The following KCNQ1OT1 variants were observed in gnomAD, a reference collection of about 807,000 sequenced individuals.
The protein encoded by KCNQ1OT1 is KCNQ1 opposite strand/antisense transcript 1.
Position 2,652,659 on chromosome 11 carries a change from CG to C in KCNQ1OT1, n.47335del. On this transcript the variant is annotated non_coding_transcript_exon_variant, in exon 1 of 1. Transcript: ENST00000597346. The surrounding 1 kb of genome is among the most constrained non-coding windows in gnomAD (Gnocchi z 5.9). ...AGTGACTTCCTGCAGCATGGAGACC[CG>C]GGTGGGTCGATTTTAGTTGTGTGGG... 2.5e-6 allele frequency: 1 copy of C among 398,740 alleles called. No homozygotes were observed. Among genetic ancestry groups the C allele is most frequent in the Non-Finnish European group, 4.4e-6 (1 of 226,206 alleles). The allele number at this position is 398,740 out of a possible 1,614,324, so 24.7% of individuals were successfully genotyped here.
rs1352338366 is a variant in KCNQ1OT1 at position 2,670,854 on chromosome 11, TCACTGGCCAGTGGGC to T, written n.29126_29140del. The stretch of plus-strand genomic sequence containing the variant: ...CACCAGCCAAGGAGGTCAAAGGTCC[TCACTGGCCAGTGGGC>T]CACTGGGAAGCCTCCTGGATTGCCT... On this transcript the variant is annotated non_coding_transcript_exon_variant, in exon 1 of 1. Coordinates refer to ENST00000597346, the Ensembl canonical transcript of KCNQ1OT1. This position sits in a 1 kb window ranked among gnomAD's most constrained non-coding sequence, Gnocchi z 4.9. 2.5e-6 allele frequency: 1 copy of T among 398,452 alleles called. No homozygotes were observed. The highest frequency in any genetic ancestry group is 2.1e-5 in the African/African-American group (1 of 48,618). 24.7% of individuals were successfully genotyped at this position (398,452 alleles called of 1,614,324 possible).
Position 2,699,650 on chromosome 11 carries a change from G to A in KCNQ1OT1, n.345C>T, listed in dbSNP as rs562303169. On this transcript the variant is annotated non_coding_transcript_exon_variant, in exon 1 of 1. Coordinates refer to ENST00000597346, the Ensembl canonical transcript of KCNQ1OT1. The stretch of plus-strand genomic sequence containing the variant: ...CCGAAGAACCCCCGGGGACAACCGC[G>A]CCGAAGAACCCCCGGGGAGAACCGC... 383 of 358,680 alleles carry A rather than the reference G, an allele frequency of 1.1e-3. 2 individuals are homozygous for A. Among genetic ancestry groups the A allele is most frequent in the African/African-American group, 7.5e-3 (353 of 47,228 alleles). The allele number at this position is 358,680 out of a possible 1,614,324, so 22.2% of individuals were successfully genotyped here. A position where few individuals can be genotyped will look rare whatever the true frequency, so the allele number is the denominator to read the frequency against.
chr11:2,653,012 A>G lies in KCNQ1OT1; in HGVS notation n.46983T>C, dbSNP rs998142389. On this transcript the variant is annotated non_coding_transcript_exon_variant, in exon 1 of 1. Coordinates refer to ENST00000597346, the Ensembl canonical transcript of KCNQ1OT1. The surrounding 1 kb of genome is among the most constrained non-coding windows in gnomAD (Gnocchi z 5.3). ...TCACTGTCATGCTTGAGGCAAATCT[A>G]TTCTGCACACCTTTGATCCAATGTG... 6 of 398,558 alleles carry G rather than the reference A, an allele frequency of 1.5e-5. No individual in the cohort carries two copies. Among genetic ancestry groups the G allele is most frequent in the African/African-American group, 8.2e-5 (4 of 48,640 alleles). 24.7% of individuals were successfully genotyped at this position (398,558 alleles called of 1,614,324 possible).
exon 1 of KCNQ1OT1, chr11:2,649,207 C>T (rs1289982689): frequency 5.0e-6 from 2 of 398,088 alleles, no homozygotes; most frequent in East Asian, 3.6e-5. Flanking sequence ...AAATTACCTA[C>T]ATTCAAGATT....
rs1292047866 is a variant in KCNQ1OT1 at position 2,657,487 on chromosome 11, T to G, written n.42508A>C. On this transcript the variant is annotated non_coding_transcript_exon_variant, in exon 1 of 1. Coordinates refer to ENST00000597346, the Ensembl canonical transcript of KCNQ1OT1. The surrounding 1 kb of genome is among the most constrained non-coding windows in gnomAD (Gnocchi z 4.8). ...ACAGGTTCTGTTTTCTCTTGTTACC[T>G]CACATTTTTTATTTACAGAAGAGAA... is the stretch of plus-strand genomic sequence containing the variant. 2.5e-6 allele frequency: 1 copy of G among 398,452 alleles called. No individual in the cohort carries two copies. Among genetic ancestry groups the G allele is most frequent in the African/African-American group, 2.1e-5 (1 of 48,644 alleles). The allele number at this position is 398,452 out of a possible 1,614,324, so 24.7% of individuals were successfully genotyped here. A position where few individuals can be genotyped will look rare whatever the true frequency, so the allele number is the denominator to read the frequency against.
At position 2,647,450 on chromosome 11, in the gene KCNQ1OT1, A is replaced by G. The variant is rs1849683831; in HGVS notation, n.52545T>C. On this transcript the variant is annotated non_coding_transcript_exon_variant, in exon 1 of 1. Transcript: ENST00000597346. This position sits in a 1 kb window ranked among gnomAD's most constrained non-coding sequence, Gnocchi z 4.0. ...ATGTTCATCAGGGAGATTGGCCTGT[A>G]GTTTTCTTTTTTGCTGTTATTGTGT... is the stretch of plus-strand genomic sequence containing the variant. 1 of 398,312 alleles carries G rather than the reference A, an allele frequency of 2.5e-6. No homozygotes were observed. The highest frequency in any genetic ancestry group is 4.4e-5 in the Admixed American group (1 of 22,690). 24.7% of individuals were successfully genotyped at this position (398,312 alleles called of 1,614,324 possible).
At chr11:2,680,176 G>A in exon 1 of KCNQ1OT1, 1 of 392,382 alleles carries the variant, frequency 2.5e-6, no homozygotes, top group Non-Finnish European at 4.4e-6. Flanking sequence ...ACGGGCGTGA[G>A]CCAATGCACC....
rs1248751691 is a variant in KCNQ1OT1, at chr11:2,698,867, G to A, written n.1128C>T. ...TGCGGACTCCAGACCCGGACTGACT[G>A]GGACCCCAACTACTCAGATCCCAAC... On this transcript the variant is annotated non_coding_transcript_exon_variant, in exon 1 of 1. Coordinates refer to ENST00000597346, the Ensembl canonical transcript of KCNQ1OT1. This position sits in a 1 kb window ranked among gnomAD's most constrained non-coding sequence, Gnocchi z 5.1. 5.0e-6 allele frequency: 2 copies of A among 398,586 alleles called. No homozygotes were observed. The highest frequency in any genetic ancestry group is 8.8e-6 in the Non-Finnish European group (2 of 226,214). 24.7% of individuals were successfully genotyped at this position (398,586 alleles called of 1,614,324 possible).
In KCNQ1OT1 at chr11:2,642,975, C is replaced by T. The variant is rs556881113; in HGVS notation, n.57020G>A. 66 of 397,578 alleles carry T rather than the reference C, an allele frequency of 1.7e-4. No homozygotes were observed. The highest frequency in any genetic ancestry group is 1.8e-4 in the Admixed American group (4 of 22,682). 24.6% of individuals were successfully genotyped at this position (397,578 alleles called of 1,614,324 possible). A position where few individuals can be genotyped will look rare whatever the true frequency, so the allele number is the denominator to read the frequency against. On this transcript the variant is annotated non_coding_transcript_exon_variant, in exon 1 of 1. Coordinates refer to ENST00000597346, the Ensembl canonical transcript of KCNQ1OT1. This position sits in a 1 kb window ranked among gnomAD's most constrained non-coding sequence, Gnocchi z 4.3. ...ATTTATTTATACAGTTTTGAATGCT[C>T]CTCTTATTTATTTATAGTTTTATGC...
At position 2,674,378 on chromosome 11, in the gene KCNQ1OT1, A is replaced by C; in HGVS notation, n.25617T>G. On this transcript the variant is annotated non_coding_transcript_exon_variant, in exon 1 of 1. Transcript: ENST00000597346. This position sits in a 1 kb window ranked among gnomAD's most constrained non-coding sequence, Gnocchi z 5.9. ...CTTGGCAAAGAGCAGCTTCCTGCTT[A>C]GGGAAGGTGCATGCGTGCGTGTGTG... 5.8e-6 allele frequency: 1 copy of C among 171,290 alleles called. No homozygotes were observed. The highest frequency in any genetic ancestry group is 1.4e-4 in the East Asian group (1 of 7,256). 10.6% of individuals were successfully genotyped at this position (171,290 alleles called of 1,614,324 possible). A position where few individuals can be genotyped will look rare whatever the true frequency, so the allele number is the denominator to read the frequency against.
At chr11:2,644,489 A>G in exon 1 of KCNQ1OT1, 1 of 397,792 alleles carries the variant, frequency 2.5e-6, no homozygotes, top group Non-Finnish European at 4.4e-6. Flanking sequence ...GTTTTTTCTG[A>G]TTTCTTTGTA....
chr11:2,672,134 C>G, exon 1 of KCNQ1OT1: 2 of 398,752 alleles, frequency 5.0e-6, no homozygotes, highest in Non-Finnish European at 8.8e-6. Flanking sequence ...CTAATCCTCC[C>G]TCTTTGGGCC....
chr11:2,614,369 A>G (rs527730592), exon 1 of KCNQ1OT1: 1 of 398,558 alleles, frequency 2.5e-6, no homozygotes, highest in African/African-American at 2.1e-5. Context: ...TTTTTAAGTA[A>G]CAGAAACCAT....
chr11:2,629,008 C>A (rs1478526231), exon 1 of KCNQ1OT1: 7 of 398,154 alleles, frequency 1.8e-5, no homozygotes. Flanking sequence ...AAATATAATT[C>A]AAAATAAGCA....
At chr11:2,629,976 G>C (rs1484080565) in exon 1 of KCNQ1OT1, 1 of 396,634 alleles carries the variant, frequency 2.5e-6, no homozygotes, top group African/African-American at 2.1e-5. Flanking sequence ...GAAGTGGTGA[G>C]AATATCTTTT....
exon 1 of KCNQ1OT1, chr11:2,644,436 T>A: frequency 2.5e-6 from 1 of 398,396 alleles, no homozygotes. Context: ...TGGTTCTTTT[T>A]ATATCTATCT....
In KCNQ1OT1 at chr11:2,655,539, G is replaced by A. The variant is rs989777843; in HGVS notation, n.44456C>T. 9.0e-5 allele frequency: 36 copies of A among 398,702 alleles called. No homozygotes were observed. The Admixed American group carries it at 1.2e-3, about 14-fold the overall frequency. 24.7% of individuals were successfully genotyped at this position (398,702 alleles called of 1,614,324 possible). A position where few individuals can be genotyped will look rare whatever the true frequency, so the allele number is the denominator to read the frequency against. ...GTACACCATGGGCTCAACCTTCTCT[G>A]CAGCTGTGAGTTCAGGCTGTGAAAT... On this transcript the variant is annotated non_coding_transcript_exon_variant, in exon 1 of 1. Transcript: ENST00000597346.
rs778557790 is a variant in KCNQ1OT1 at position 2,608,369 on chromosome 11, A to G, written n.91626T>C. 4.0e-5 allele frequency: 16 copies of G among 398,332 alleles called. No homozygotes were observed. The highest frequency in any genetic ancestry group is 7.1e-5 in the Non-Finnish European group (16 of 226,032). The allele number at this position is 398,332 out of a possible 1,614,324, so 24.7% of individuals were successfully genotyped here. On this transcript the variant is annotated non_coding_transcript_exon_variant, in exon 1 of 1. Transcript: ENST00000597346. This position sits in a 1 kb window ranked among gnomAD's most constrained non-coding sequence, Gnocchi z 4.6. The stretch of plus-strand genomic sequence containing the variant: ...TTTTCATCTTTCTAGGAATTTGTCA[A>G]TTTCATCTAAGTTTTATAATTTATT...
rs1466654088 is a variant in KCNQ1OT1 at position 2,621,129 on chromosome 11, C to T, written n.78866G>A. 2.5e-6 allele frequency: 1 copy of T among 397,252 alleles called. No homozygotes were observed. The highest frequency in any genetic ancestry group is 4.4e-6 in the Non-Finnish European group (1 of 225,828). 24.6% of individuals were successfully genotyped at this position (397,252 alleles called of 1,614,324 possible). On this transcript the variant is annotated non_coding_transcript_exon_variant, in exon 1 of 1. Coordinates refer to ENST00000597346, the Ensembl canonical transcript of KCNQ1OT1. This position sits in a 1 kb window ranked among gnomAD's most constrained non-coding sequence, Gnocchi z 5.7. The stretch of plus-strand genomic sequence containing the variant: ...AGTAGCTGGGATTACAGGTGACCGC[C>T]ACCATACCTGGCTAATTTTTGTGTT...
Sources: allele counts gnomAD v4.1 joint callset, GRCh38; gene constraint gnomAD v4.1.1; non-coding constraint Gnocchi (gnomAD v3.1); transcripts MANE v1.5; gene names NCBI Gene and HGNC (gene_info 2026-07-23, HGNC 2026-07-21).